Variants in NOL10 observed in about 807,000 individuals in gnomAD.
NOL10 encodes nucleolar protein 10, also known as H_NH0074G24.1.
In NOL10, 58 loss-of-function variants were observed where a neutral mutation model predicts 103.5. That is an observed-to-expected ratio of 0.56 (90% CI 0.45 to 0.70). The LOEUF (loss-of-function observed/expected upper bound fraction) is 0.70. Ranked by LOEUF, NOL10 falls within the 30% of genes least tolerant of loss-of-function variation. The probability of loss-of-function intolerance (pLI) is 0.00; values close to 1 mark genes in which losing one functional copy is unlikely to be tolerated. For synonymous variants in NOL10, 287 were observed against 282.5 expected (o/e 1.02, Z -0.16); for missense variants, 763 against 807.3 (o/e 0.95, Z 0.67).
At chr2:10,591,283 A>G (rs1325255216) in intron 17 of NOL10, among the ~76,000 whole-genome samples, 5 of 152,180 alleles carry the variant, frequency 3.3e-5, no homozygotes, top group African/African-American at 1.2e-4. Context: ...ACGTGCTACT[A>G]GGCCTCTTCT....
At chr2:10,645,555 CAAG>C (rs1209709822) in intron 12 of NOL10, among the ~76,000 whole-genome samples, 8 of 134,476 alleles carry the variant, frequency 5.9e-5, no homozygotes, top group African/African-American at 2.3e-4. Flanking sequence ...TTTTTTGAGA[CAAG>C]AGTCTTGCTC....
chr2:10,642,019 G>A (rs1012203162), intron 13 of NOL10, among the ~76,000 whole-genome samples: 1 of 152,216 alleles, frequency 6.6e-6, no homozygotes, highest in African/African-American at 2.4e-5. Flanking sequence ...CCATGTTGCT[G>A]TAGTGATCAA....
chr2:10,673,314 G>A, intron 5 of NOL10: 1 of 390,658 alleles, frequency 2.6e-6, no homozygotes, highest in African/African-American at 2.1e-5. Flanking sequence ...TATTAGATTG[G>A]CCAAAGGCTA....
chr2:10,685,505 C>A lies in NOL10; in HGVS notation c.67-893G>T, dbSNP rs1165007484. ...AGACTCCGTCCCCCCCCCCCCCCCC[C>A]CCGCCAAAAAAAAAGAAAAAAACAG... is the stretch of plus-strand genomic sequence containing the variant. On this transcript the variant is annotated intron_variant, in intron 1 of 20. Transcript: ENST00000381685. Among the ~76,000 whole-genome samples, 4 of 13,522 alleles carry A rather than the reference C, an allele frequency of 3.0e-4. 1 individual carries two copies. Among genetic ancestry groups the A allele is most frequent in the South Asian group, 5.6e-3 (1 of 180 alleles). The allele number at this position is 13,522 out of a possible 152,430, so 8.9% of individuals were successfully genotyped here. A position where few individuals can be genotyped will look rare whatever the true frequency, so the allele number is the denominator to read the frequency against.
Position 10,637,389 on chromosome 2 carries a change from A to C in NOL10, c.1026+6931T>G, listed in dbSNP as rs539809427. ...CCTAAAACTGACTTCCCAAAGCTAT[A>C]ATGATTTCAAAAGCATCTCCCTGAC... is the stretch of plus-strand genomic sequence containing the variant. On this transcript the variant is annotated intron_variant, in intron 13 of 20. Coordinates refer to ENST00000381685, the MANE Select transcript of NOL10 (RefSeq NM_024894.4). Among the ~76,000 whole-genome samples, 59 of 152,272 alleles carry C rather than the reference A, an allele frequency of 3.9e-4. No individual in the cohort carries two copies. In the South Asian group the frequency reaches 0.012, roughly 30 times the overall value.
intron 13 of NOL10, among the ~76,000 whole-genome samples, chr2:10,638,965 G>C (rs1678514638): frequency 6.6e-6 from 1 of 151,464 alleles, no homozygotes; most frequent in South Asian, 2.1e-4. Context: ...ACCACGCCTG[G>C]TTAATTTTTG....
chr2:10,684,636 A>C (rs1323085905), intron 1 of NOL10, 24 bp from the exon 2 acceptor site: 6 of 1,538,114 alleles, frequency 3.9e-6, no homozygotes, highest in Non-Finnish European at 5.3e-6. Context: ...AAGAGAGTTT[A>C]TTTTAAAACA....
At chr2:10,675,436 T>C (rs1482633766) in intron 4 of NOL10, among the ~76,000 whole-genome samples, 1 of 148,318 alleles carries the variant, frequency 6.7e-6, no homozygotes, top group Admixed American at 6.6e-5. Flanking sequence ...TTCTTTTTTA[T>C]TTTTTATTAT....
rs1362681667 is a variant in NOL10, at chr2:10,644,277, T to A, written c.1026+43A>T. The A allele has an allele frequency of 2.3e-6, 3 of 1,321,402 alleles. No individual in the cohort carries two copies. The South Asian group carries it at 4.4e-5, about 19-fold the overall frequency. The allele number at this position is 1,321,402 out of a possible 1,614,324, so 81.9% of individuals were successfully genotyped here. On this transcript the variant is annotated intron_variant, in intron 13 of 20. Coordinates refer to ENST00000381685, the MANE Select transcript of NOL10 (RefSeq NM_024894.4). ...TTAAATAAATAATAAAAAGTATCTT[T>A]GCTTGTCCTATTTTTACTGAAACTC... is the stretch of plus-strand genomic sequence containing the variant.
intron 10 of NOL10, 111 bp from the exon 11 acceptor site, chr2:10,658,002 A>G: frequency 1.4e-6 from 1 of 701,486 alleles, no homozygotes; most frequent in South Asian, 2.5e-5. Flanking sequence ...TTATGAACAC[A>G]ATGAACACCC....
intron 12 of NOL10, among the ~76,000 whole-genome samples, chr2:10,647,572 G>C (rs1572369587): frequency 6.6e-6 from 1 of 152,306 alleles, no homozygotes; most frequent in South Asian, 2.1e-4. Flanking sequence ...ACACGTGTTG[G>C]GAAGTGCTGC....
At chr2:10,634,596 G>A in intron 13 of NOL10, 1 of 456,696 alleles carries the variant, frequency 2.2e-6, no homozygotes, top group Non-Finnish European at 4.4e-6. Context: ...ACACACAGCT[G>A]TTATATAAAG....
chr2:10,617,701 A>G (rs2148213310), intron 13 of NOL10, among the ~76,000 whole-genome samples: 1 of 152,336 alleles, frequency 6.6e-6, no homozygotes, highest in Non-Finnish European at 1.5e-5. Context: ...GACTTAGTAA[A>G]AACTGGATAA....
At chr2:10,620,124 AAG>A (rs1311014375) in intron 13 of NOL10, among the ~76,000 whole-genome samples, 1 of 152,190 alleles carries the variant, frequency 6.6e-6, no homozygotes, top group African/African-American at 2.4e-5. Flanking sequence ...TATTCCTGCC[AAG>A]AGTTAGTAAC....
Position 10,657,817 on chromosome 2 carries a change from G to A in NOL10, c.831C>T (p.Ser277=), listed in dbSNP as rs1260965962. ...GATCTAATGAATCCTGGAAATGAAC[G>A]GACTTAATGGGCAGCCCATACTGGT... ...KDHQYGLPIK[S]VHFQDSLDLI... The change falls in exon 11 of 21, where the codon TCC becomes TCT. Residue 277 remains serine (S), a synonymous_variant. Transcript: ENST00000381685. 5 of 1,550,606 alleles carry A rather than the reference G, an allele frequency of 3.2e-6. No homozygotes were observed. Among genetic ancestry groups the A allele is most frequent in the African/African-American group, 2.7e-5 (2 of 73,010 alleles).
At chr2:10,673,610 CA>C in intron 4 of NOL10, 53 bp from the exon 5 acceptor site, 1 of 1,178,462 alleles carries the variant, frequency 8.5e-7, no homozygotes, top group Non-Finnish European at 1.2e-6. Context: ...TTCTTAGTAA[CA>C]ACGCAAACCT....
chr2:10,671,438 G>A (rs1482305229), intron 6 of NOL10, 116 bp downstream of exon 6: 24 of 615,874 alleles, frequency 3.9e-5, no homozygotes, highest in South Asian at 1.3e-4. Context: ...CAAGAGCCAC[G>A]TATCACTTTT....
intron 1 of NOL10, among the ~76,000 whole-genome samples, chr2:10,684,980 A>G (rs193222819): frequency 6.6e-6 from 1 of 152,360 alleles, no homozygotes; most frequent in East Asian, 1.9e-4. Context: ...GTCTACTGAC[A>G]TGGGCCACCA....
intron 13 of NOL10, among the ~76,000 whole-genome samples, chr2:10,641,010 C>A (rs548724925): frequency 1.3e-5 from 2 of 150,940 alleles, no homozygotes; most frequent in East Asian, 1.9e-4. Flanking sequence ...ATGGTGAAAC[C>A]CCATCTCTAC....
Sources: allele counts gnomAD v4.1 joint callset (sites outside exome capture counted in the v4.1 genomes callset), GRCh38; gene constraint gnomAD v4.1.1; transcripts MANE v1.5; gene names NCBI Gene and HGNC (gene_info 2026-07-23, HGNC 2026-07-21).